Variants in POGZ observed in about 807,000 individuals in gnomAD.
POGZ encodes the protein pogo transposable element with ZNF domain.
POGZ carries 17 observed loss-of-function variants against 134.6 expected under a neutral mutation model. That is an observed-to-expected ratio of 0.13 (90% confidence interval 0.09 to 0.19). The LOEUF is 0.19. Ranked by LOEUF, POGZ falls within the 10% of genes least tolerant of loss-of-function variation. The pLI, the probability that POGZ is intolerant of heterozygous loss-of-function variation, is 1.00. For synonymous variants in POGZ, 693 were observed against 657.1 expected (o/e 1.05, Z -0.84); for missense variants, 1,306 against 1,769.7 (o/e 0.74, Z 4.70).
chr1:151,422,830 G>A (rs1446608077), intron 10 of POGZ, among the ~76,000 whole-genome samples: 1 of 152,128 alleles, frequency 6.6e-6, no homozygotes, highest in Non-Finnish European at 1.5e-5. Flanking sequence ...GACTTCAGGT[G>A]ATCTGCCTGC....
chr1:151,412,430 G>T (rs367829831), intron 10 of POGZ, 34 bp from the exon 11 acceptor site: 3 of 1,198,090 alleles, frequency 2.5e-6, no homozygotes, highest in South Asian at 1.3e-5. Context: ...AAATCCACTT[G>T]AAAATAAGAC....
chr1:151,407,112 GC>G lies in POGZ; in HGVS notation c.2433-90del, dbSNP rs1333720091. The G allele has an allele frequency of 1.2e-5, 14 of 1,214,274 alleles. No individual in the cohort carries two copies. In the East Asian group the frequency reaches 3.1e-4, roughly 27 times the overall value. 75.2% of individuals were successfully genotyped at this position (1,214,274 alleles called of 1,614,324 possible). A position where few individuals can be genotyped will look rare whatever the true frequency, so the allele number is the denominator to read the frequency against. On this transcript the variant is annotated intron_variant, in intron 16 of 18. Coordinates refer to ENST00000271715, the MANE Select transcript of POGZ (RefSeq NM_015100.4). ...TTGAGGCTTAAGAAAGAAAAGGAAT[GC>G]CCTCCCACTTTCTCCTTTTTCTGAA...
chr1:151,404,620 GT>G lies in POGZ; in HGVS notation c.*181del. The G allele has an allele frequency of 1.5e-6, 2 of 1,357,876 alleles. No homozygotes were observed. The highest frequency in any genetic ancestry group is 1.9e-6 in the Non-Finnish European group (2 of 1,059,790). The allele number at this position is 1,357,876 out of a possible 1,614,324, so 84.1% of individuals were successfully genotyped here. ...CTTGGCTCAGACGTGATTACTATTGGTTTTCCTAATTAATCCACAAATCCAC... is the reference window on the plus strand; with the variant it reads ...CTTGGCTCAGACGTGATTACTATTGGTTTCCTAATTAATCCACAAATCCAC... On this transcript the variant is annotated 3_prime_UTR_variant, in exon 19 of 19. Coordinates refer to ENST00000271715, the MANE Select transcript of POGZ (RefSeq NM_015100.4).
intron 12 of POGZ, among the ~76,000 whole-genome samples, chr1:151,409,787 T>C: frequency 6.6e-6 from 1 of 152,252 alleles, no homozygotes; most frequent in Non-Finnish European, 1.5e-5. Context: ...TATACCTTGC[T>C]GTTTTCTCAC....
chr1:151,446,636 A>G (rs575731458), intron 1 of POGZ, among the ~76,000 whole-genome samples: 1 of 151,920 alleles, frequency 6.6e-6, no homozygotes, highest in South Asian at 2.1e-4. Context: ...CACGCCTGTA[A>G]TCCCAGCTAC....
chr1:151,418,542 C>T (rs544812455), intron 10 of POGZ, among the ~76,000 whole-genome samples: 5 of 152,208 alleles, frequency 3.3e-5, no homozygotes, highest in African/African-American at 1.2e-4. Context: ...CTATAGTTTA[C>T]AATAACCTGT....
chr1:151,403,246 G>A lies in POGZ; in HGVS notation c.*1556C>T. 1 of 985,706 alleles carries A rather than the reference G, an allele frequency of 1.0e-6. No individual in the cohort carries two copies. The highest frequency in any genetic ancestry group is 1.2e-6 in the Non-Finnish European group (1 of 829,900). 61.1% of individuals were successfully genotyped at this position (985,706 alleles called of 1,614,324 possible). On this transcript the variant is annotated 3_prime_UTR_variant, in exon 19 of 19. Coordinates refer to ENST00000271715, the MANE Select transcript of POGZ (RefSeq NM_015100.4). ...AAAGCAGGGTGGGGTGGGAGAAATG[G>A]GTGGTAACAAATGTCACACCTGTAC...
chr1:151,420,739 T>C (rs982040149), intron 10 of POGZ, among the ~76,000 whole-genome samples: 4 of 152,190 alleles, frequency 2.6e-5, no homozygotes, highest in African/African-American at 9.7e-5. Context: ...AATTTAGATT[T>C]GTATTTCAAA....
intron 1 of POGZ, among the ~76,000 whole-genome samples, chr1:151,447,449 C>G (rs1661433300): frequency 6.6e-6 from 1 of 151,572 alleles, no homozygotes; most frequent in African/African-American, 2.4e-5. Flanking sequence ...AGTCATTATC[C>G]CAATTTCTTT....
At position 151,405,723 on chromosome 1, in the gene POGZ, GA is replaced by G; in HGVS notation, c.3311del (p.Phe1104SerfsTer18). On this transcript the variant is annotated frameshift_variant, in exon 19 of 19. Coordinates refer to ENST00000271715, the MANE Select transcript of POGZ (RefSeq NM_015100.4). LOFTEE classifies it high-confidence loss of function. The surrounding 1 kb of genome is among the most constrained non-coding windows in gnomAD (Gnocchi z 4.9). ...PKDVAENAGLFIDFVQRQIHN... is the reference protein window; with the variant it reads ...PKDVAENAGLXIDFVQRQIHN... ...GAATCTGCCGTTGTACAAAATCAAT[GA>G]AGAGTCCTGCATTCTCTGCTACATC... 1 of 1,614,200 alleles carries G rather than the reference GA, an allele frequency of 6.2e-7. No homozygotes were observed.
chr1:151,446,324 T>A (rs1661269588), intron 1 of POGZ, among the ~76,000 whole-genome samples: 1 of 151,292 alleles, frequency 6.6e-6, no homozygotes, highest in African/African-American at 2.4e-5. Context: ...GATTGGATAC[T>A]TATCACACTA....
At chr1:151,411,046 C>G (rs1404571533) in intron 12 of POGZ, among the ~76,000 whole-genome samples, 1 of 152,200 alleles carries the variant, frequency 6.6e-6, no homozygotes, top group Non-Finnish European at 1.5e-5. Flanking sequence ...CTCCTTTAAT[C>G]CATTCTCTGC....
chr1:151,436,227 G>A (rs1274485550), intron 3 of POGZ, among the ~76,000 whole-genome samples: 1 of 152,072 alleles, frequency 6.6e-6, no homozygotes, highest in Non-Finnish European at 1.5e-5. Flanking sequence ...CAAAGTGCTA[G>A]GATTACGGGC....
chr1:151,451,744 GAAA>G (rs1662114089), intron 1 of POGZ, among the ~76,000 whole-genome samples: 2 of 151,850 alleles, frequency 1.3e-5, no homozygotes. Flanking sequence ...ATTCTAGAAG[GAAA>G]TAATCAAATG....
At chr1:151,443,531 A>G (rs1356427989) in intron 1 of POGZ, among the ~76,000 whole-genome samples, 1 of 152,134 alleles carries the variant, frequency 6.6e-6, no homozygotes, top group Non-Finnish European at 1.5e-5. Flanking sequence ...CCTGACCAAC[A>G]TGGAGAAAAC....
chr1:151,428,071 C>T, intron 6 of POGZ, 30 bp from the exon 7 acceptor site: 1 of 1,613,378 alleles, frequency 6.2e-7, no homozygotes, highest in Non-Finnish European at 8.5e-7. Flanking sequence ...ATCATCTGTT[C>T]TCCACCCACC....
In POGZ at chr1:151,404,799, C is replaced by CACTCA. The variant is rs762862639; in HGVS notation, c.4231_*2dup. 1 of 1,593,422 alleles carries CACTCA rather than the reference C, an allele frequency of 6.3e-7. No homozygotes were observed. The highest frequency in any genetic ancestry group is 1.1e-5 in the South Asian group (1 of 87,690). ...ACTCCACACCCCCTCATGACCCCAACACTCAAATCTCCATCAGATCTAGGT... is the reference window on the plus strand; with the variant it reads ...ACTCCACACCCCCTCATGACCCCAACACTCAACTCAAATCTCCATCAGATCTAGGT... On this transcript the variant is annotated 3_prime_UTR_variant, in exon 19 of 19. Transcript: ENST00000271715.
At position 151,416,003 on chromosome 1, in the gene POGZ, CAGG is replaced by C. The variant is rs372384643; in HGVS notation, c.1679-3610_1679-3608del. Among the ~76,000 whole-genome samples, 770 of 151,440 alleles carry C rather than the reference CAGG, an allele frequency of 5.1e-3. 8 individuals are homozygous for C. Among genetic ancestry groups the C allele is most frequent in the African/African-American group, 0.018 (728 of 41,312 alleles). On this transcript the variant is annotated intron_variant, in intron 10 of 18. Coordinates refer to ENST00000271715, the MANE Select transcript of POGZ (RefSeq NM_015100.4). ...CAGAGGCAGGCGGATCATCTGAAGT[CAGG>C]AGTTCAAGACCAGCCTGGCCAACAT...
In POGZ at chr1:151,411,769, C is replaced by T; in HGVS notation, c.1782G>A (p.Val594=). The T allele has an allele frequency of 1.7e-5, 27 of 1,610,514 alleles. No homozygotes were observed. The highest frequency in any genetic ancestry group is 2.3e-5 in the Non-Finnish European group (27 of 1,178,578). ...KPGEMPYVCQ[V]CQYRSSLYSE... is the part of the protein sequence containing the mutation. ...AGTAGAGTGAGGAGCGATATTGACA[C>T]ACCTGAGTCACATAGGAGGGAAAAT... Residue 594 remains valine (V), a splice_region_variant and synonymous_variant, in exon 12 of 19, where the codon GTG becomes GTA. Coordinates refer to ENST00000271715, the MANE Select transcript of POGZ (RefSeq NM_015100.4).
Sources: allele counts gnomAD v4.1 joint callset (sites outside exome capture counted in the v4.1 genomes callset), GRCh38; gene constraint gnomAD v4.1.1; non-coding constraint Gnocchi (gnomAD v3.1); transcripts MANE v1.5; gene names NCBI Gene and HGNC (gene_info 2026-07-23, HGNC 2026-07-21).